Variants in AP1M1 observed in about 807,000 individuals in gnomAD.
AP1M1 encodes adaptor related protein complex 1 subunit mu 1, also known as AP-1 complex subunit mu-1.
Under a neutral mutation model 57.1 loss-of-function variants are expected in AP1M1, and 18 were observed. The observed-to-expected ratio is 0.32, with a 90% CI of 0.22 to 0.47. The LOEUF (loss-of-function observed/expected upper bound fraction) is 0.47, where lower values mean the gene tolerates loss of function less well. Ranked by LOEUF, AP1M1 falls within the 20% of genes least tolerant of loss-of-function variation. The pLI is 1.00. For missense variants in AP1M1, 362 were observed against 593.5 expected (o/e 0.61, Z 4.05); for synonymous variants, 241 against 237.9 (o/e 1.01, Z -0.12).
chr19:16,224,217 T>C (rs1040716213), intron 5 of AP1M1, among the ~76,000 whole-genome samples: 1 of 152,232 alleles, frequency 6.6e-6, no homozygotes, highest in South Asian at 2.1e-4. Context: ...CTGGGGACTC[T>C]TGTCTGATTG....
rs116431984 is a variant in AP1M1, at chr19:16,205,341, A to G, written c.200-1000A>G. Reference sequence around the variant, plus strand: ...ACATCGTTTCACCCCCAGCCGGGACAGTGCTCAGCAAGGCCGTGGCTGAGA... The same window carrying G: ...ACATCGTTTCACCCCCAGCCGGGACGGTGCTCAGCAAGGCCGTGGCTGAGA... On this transcript the variant is annotated intron_variant, in intron 2 of 11. Coordinates refer to ENST00000291439, the MANE Select transcript of AP1M1 (RefSeq NM_032493.4). Among the ~76,000 whole-genome samples the G allele has an allele frequency of 3.3e-3, 496 of 152,322 alleles. 2 individuals are homozygous for G. The highest frequency in any genetic ancestry group is 0.011 in the African/African-American group (469 of 41,580).
chr19:16,235,857 C>G lies in AP1M1; in HGVS notation c.*1422C>G, dbSNP rs146636756. The G allele has an allele frequency of 1.1e-3, 169 of 152,500 alleles. No individual in the cohort carries two copies. Among genetic ancestry groups the G allele is most frequent in the African/African-American group, 3.5e-3 (144 of 41,588 alleles). 9.4% of individuals were successfully genotyped at this position (152,500 alleles called of 1,614,324 possible). A position where few individuals can be genotyped will look rare whatever the true frequency, so the allele number is the denominator to read the frequency against. ...GGAAGTGCTGCCTGCTCTTGGCCCC[C>G]TCCCCGACCAGTGCTGATGGCCCTG... On this transcript the variant is annotated 3_prime_UTR_variant, in exon 12 of 12. Coordinates refer to ENST00000291439, the MANE Select transcript of AP1M1 (RefSeq NM_032493.4).
Position 16,206,230 on chromosome 19 carries a change from G to C in AP1M1, c.200-111G>C. On this transcript the variant is annotated intron_variant, in intron 2 of 11. Transcript: ENST00000291439. This position sits in a 1 kb window ranked among gnomAD's most constrained non-coding sequence, Gnocchi z 4.3. Reference sequence around the variant, plus strand: ...GGCCAAGTAAACGGCTGGGAGTGGGGATAGGGAAGGCTCTGAGGGTTGTGA... The same window carrying C: ...GGCCAAGTAAACGGCTGGGAGTGGGCATAGGGAAGGCTCTGAGGGTTGTGA... The C allele has an allele frequency of 9.1e-7, 1 of 1,094,996 alleles. No homozygotes were observed. The highest frequency in any genetic ancestry group is 1.4e-6 in the Non-Finnish European group (1 of 732,836). The allele number at this position is 1,094,996 out of a possible 1,614,324, so 67.8% of individuals were successfully genotyped here.
Position 16,228,969 on chromosome 19 carries a change from G to A in AP1M1, c.1047+41G>A. ...AGACATCCACGTGCCCCCTGCGCCT[G>A]TCTCTGCAAGGCAGCCTGGGTGCCT... On this transcript the variant is annotated intron_variant, in intron 9 of 11. Coordinates refer to ENST00000291439, the MANE Select transcript of AP1M1 (RefSeq NM_032493.4). The surrounding 1 kb of genome is among the most constrained non-coding windows in gnomAD (Gnocchi z 5.0). 2 of 1,599,788 alleles carry A rather than the reference G, an allele frequency of 1.3e-6. No homozygotes were observed. The highest frequency in any genetic ancestry group is 1.7e-6 in the Non-Finnish European group (2 of 1,169,476).
intron 5 of AP1M1, among the ~76,000 whole-genome samples, chr19:16,209,515 A>G (rs2091484662): frequency 6.6e-6 from 1 of 152,142 alleles, no homozygotes; most frequent in Admixed American, 6.5e-5. Context: ...TTTCTTTATT[A>G]GCATTTATGC....
intron 1 of AP1M1, among the ~76,000 whole-genome samples, chr19:16,198,582 G>C (rs797019958): frequency 6.6e-6 from 1 of 152,192 alleles, no homozygotes; most frequent in Non-Finnish European, 1.5e-5. Context: ...ACAAGGATTA[G>C]GTGAGGTGAG....
At chr19:16,220,793 TA>T (rs1308324335) in intron 5 of AP1M1, among the ~76,000 whole-genome samples, 4 of 152,266 alleles carry the variant, frequency 2.6e-5, no homozygotes, top group African/African-American at 9.6e-5. Context: ...CCTTTATCCC[TA>T]AAGGCTATTT....
At position 16,203,247 on chromosome 19, in the gene AP1M1, C is replaced by T; in HGVS notation, c.43-212C>T. Reference sequence around the variant, plus strand: ...TCACCCTGCGAAGAACTGCAGTGGCCCCTGTGGGCATTCACACTGGGAGAT... The same window carrying T: ...TCACCCTGCGAAGAACTGCAGTGGCTCCTGTGGGCATTCACACTGGGAGAT... On this transcript the variant is annotated intron_variant, in intron 1 of 11. Coordinates refer to ENST00000291439, the MANE Select transcript of AP1M1 (RefSeq NM_032493.4). The surrounding 1 kb of genome is among the most constrained non-coding windows in gnomAD (Gnocchi z 4.6). The T allele has an allele frequency of 1.7e-6, 1 of 593,816 alleles. No homozygotes were observed. Among genetic ancestry groups the T allele is most frequent in the South Asian group, 2.0e-5 (1 of 51,124 alleles). The allele number at this position is 593,816 out of a possible 1,614,324, so 36.8% of individuals were successfully genotyped here.
In AP1M1 at chr19:16,228,805, C is replaced by T; in HGVS notation, c.924C>T (p.Asn308=). 6.2e-7 allele frequency: 1 copy of T among 1,614,148 alleles called. No homozygotes were observed. The highest frequency in any genetic ancestry group is 8.5e-7 in the Non-Finnish European group (1 of 1,180,024). ...AGTTCAAGCGGCGGTCAACAGCCAA[C>T]AACGTGGAGATCCACATTCCCGTGC... The part of the protein sequence containing the change: ...KSQFKRRSTA[N]NVEIHIPVPN... The change falls in exon 9 of 12, where the codon AAC becomes AAT. Residue 308 remains asparagine (N), a synonymous_variant. Transcript: ENST00000291439. This position sits in a 1 kb window ranked among gnomAD's most constrained non-coding sequence, Gnocchi z 5.0.
chr19:16,227,517 A>C lies in AP1M1; in HGVS notation c.674-31A>C, dbSNP rs2091576446. On this transcript the variant is annotated intron_variant, in intron 6 of 11. Coordinates refer to ENST00000291439, the MANE Select transcript of AP1M1 (RefSeq NM_032493.4). The surrounding 1 kb of genome is among the most constrained non-coding windows in gnomAD (Gnocchi z 6.2). The stretch of plus-strand genomic sequence containing the variant: ...GCTGAGATAGTGACCCGGAGGGCCC[A>C]GATCTGTCCTACCCTCACCCCTGAC... The C allele has an allele frequency of 1.2e-6, 2 of 1,604,134 alleles. No individual in the cohort carries two copies. Among genetic ancestry groups the C allele is most frequent in the African/African-American group, 2.7e-5 (2 of 74,714 alleles).
intron 5 of AP1M1, among the ~76,000 whole-genome samples, chr19:16,215,432 C>T (rs976833884): frequency 7.4e-6 from 1 of 135,494 alleles, no homozygotes; most frequent in African/African-American, 2.8e-5. Context: ...CCACTGCACT[C>T]CAGCCTGGGC....
At chr19:16,222,169 T>A (rs2091547243) in intron 5 of AP1M1, among the ~76,000 whole-genome samples, 1 of 150,586 alleles carries the variant, frequency 6.6e-6, no homozygotes. Flanking sequence ...CTTTCCTGTT[T>A]ATCTCCATTC....
In AP1M1 at chr19:16,203,692, G is replaced by A. The variant is rs576366478; in HGVS notation, c.199+77G>A. 1.3e-6 allele frequency: 2 copies of A among 1,484,174 alleles called. No individual in the cohort carries two copies. The highest frequency in any genetic ancestry group is 4.0e-5 in the Admixed American group (2 of 49,658). The allele number at this position is 1,484,174 out of a possible 1,614,324, so 91.9% of individuals were successfully genotyped here. ...TGTGTGCATATCCACACGCCTGCAA[G>A]CAGGGCTGGTTTGTGCACAGCGCAA... is the stretch of plus-strand genomic sequence containing the variant. On this transcript the variant is annotated intron_variant, in intron 2 of 11. Transcript: ENST00000291439. This position sits in a 1 kb window ranked among gnomAD's most constrained non-coding sequence, Gnocchi z 4.6.
intron 5 of AP1M1, among the ~76,000 whole-genome samples, chr19:16,216,423 C>T (rs1033073790): frequency 1.3e-5 from 2 of 149,640 alleles, no homozygotes; most frequent in Non-Finnish European, 3.0e-5. Context: ...CCAGCCTGGG[C>T]GACAGAGCGA....
At chr19:16,223,884 T>G (rs549713633) in intron 5 of AP1M1, among the ~76,000 whole-genome samples, 8 of 152,328 alleles carry the variant, frequency 5.3e-5, no homozygotes, top group South Asian at 2.1e-4. Context: ...CCGCTTGCTT[T>G]CTTTTGTGTT....
intron 5 of AP1M1, among the ~76,000 whole-genome samples, chr19:16,220,218 T>G (rs1454272651): frequency 2.0e-5 from 3 of 152,182 alleles, no homozygotes; most frequent in Admixed American, 1.3e-4. Context: ...AAAAAGTGTT[T>G]TCTTGAGTCA....
chr19:16,234,634 C>G lies in AP1M1; in HGVS notation c.*199C>G, dbSNP rs768790096. On this transcript the variant is annotated 3_prime_UTR_variant, in exon 12 of 12. Coordinates refer to ENST00000291439, the MANE Select transcript of AP1M1 (RefSeq NM_032493.4). Reference sequence around the variant, plus strand: ...TCAGAAGCCCCTTTCCCAGAAGAGGCTGGTCTTCAAGAAGTCTCGTTTCTT... The same window carrying G: ...TCAGAAGCCCCTTTCCCAGAAGAGGGTGGTCTTCAAGAAGTCTCGTTTCTT... The G allele has an allele frequency of 1.9e-5, 12 of 637,850 alleles. No individual in the cohort carries two copies. Among genetic ancestry groups the G allele is most frequent in the Non-Finnish European group, 3.0e-5 (11 of 369,792 alleles). The allele number at this position is 637,850 out of a possible 1,614,324, so 39.5% of individuals were successfully genotyped here.
chr19:16,233,503 A>C lies in AP1M1; in HGVS notation c.1058A>C (p.Glu353Ala). The part of the protein sequence containing the change: ...WSIKSFPGGK[E>A]YLMRAHFGLP... ...CCGTCTGCTCCCCAGGGCGGCAAGGAGTACCTGATGCGGGCCCACTTCGGC... is the reference window on the plus strand; with the variant it reads ...CCGTCTGCTCCCCAGGGCGGCAAGGCGTACCTGATGCGGGCCCACTTCGGC... The change falls in exon 10 of 12, where the codon GAG (glutamate) becomes GCG (alanine). Residue 353 changes from glutamate (E) to alanine (A), a missense_variant. Around this residue, in one of 2 missense-constraint regions of AP1M1, gnomAD observed 337 missense variants for 511.1 expected, o/e 0.66. Transcript: ENST00000291439. The C allele has an allele frequency of 6.2e-7, 1 of 1,603,694 alleles. No homozygotes were observed. The highest frequency in any genetic ancestry group is 8.5e-7 in the Non-Finnish European group (1 of 1,175,588).
In AP1M1 at chr19:16,207,986, T is replaced by C. The variant is rs1327927846; in HGVS notation, c.268-33T>C. ...TCATCCGTCCGCTCAATGATCTGCC[T>C]CCCATTCCTCCCTCCCTCCCCAACC... On this transcript the variant is annotated intron_variant, in intron 3 of 11. Coordinates refer to ENST00000291439, the MANE Select transcript of AP1M1 (RefSeq NM_032493.4). The surrounding 1 kb of genome is among the most constrained non-coding windows in gnomAD (Gnocchi z 4.2). The C allele has an allele frequency of 6.3e-7, 1 of 1,596,512 alleles. No individual in the cohort carries two copies. Among genetic ancestry groups the C allele is most frequent in the East Asian group, 2.2e-5 (1 of 44,778 alleles).
Sources: allele counts gnomAD v4.1 joint callset (sites outside exome capture counted in the v4.1 genomes callset), GRCh38; gene constraint gnomAD v4.1.1; regional missense constraint gnomAD v4.1.1; non-coding constraint Gnocchi (gnomAD v3.1); transcripts MANE v1.5; gene names NCBI Gene and HGNC (gene_info 2026-07-23, HGNC 2026-07-21).